The following NBEA variants were observed in gnomAD, a reference collection of about 807,000 sequenced individuals.
The protein encoded by NBEA is neurobeachin.
Under a neutral mutation model 343.4 loss-of-function variants are expected in NBEA, and 44 were observed. The observed-to-expected ratio is 0.13, with a 90% CI of 0.10 to 0.16. NBEA has a LOEUF of 0.16. NBEA is among the 10% of genes least tolerant of loss of function. The pLI is 1.00. For synonymous variants in NBEA, 1,175 were observed against 1,238.7 expected (o/e 0.95, Z 1.08); for missense variants, 2,555 against 3,631.3 (o/e 0.70, Z 7.62).
At chr13:35,397,974 A>T (rs1031054677) in intron 38 of NBEA, among the ~76,000 whole-genome samples, 3 of 152,140 alleles carry the variant, frequency 2.0e-5, no homozygotes, top group African/African-American at 7.2e-5. Context: ...ATTACTCAGC[A>T]GTATGTGATG....
At chr13:35,424,760 C>A (rs370016130) in intron 38 of NBEA, among the ~76,000 whole-genome samples, 1 of 152,146 alleles carries the variant, frequency 6.6e-6, no homozygotes, top group East Asian at 1.9e-4. Context: ...TAGAATTCGG[C>A]TGTGAATCCA....
At position 35,466,481 on chromosome 13, in the gene NBEA, C is replaced by G. The variant is rs567802841; in HGVS notation, c.6449-5919C>G. Reference sequence around the variant, plus strand: ...TTTATTTTATTCAAGCAAAAACATCCTGTAACTATTTCCATGCAAAAAAAG... The same window carrying G: ...TTTATTTTATTCAAGCAAAAACATCGTGTAACTATTTCCATGCAAAAAAAG... On this transcript the variant is annotated intron_variant, in intron 40 of 58. Transcript: ENST00000379939. Among the ~76,000 whole-genome samples the G allele has an allele frequency of 3.9e-4, 60 of 152,216 alleles. No individual in the cohort carries two copies. The South Asian group carries it at 5.0e-3, about 13-fold the overall frequency.
At chr13:35,449,961 C>T (rs2046224053) in intron 39 of NBEA, among the ~76,000 whole-genome samples, 1 of 152,100 alleles carries the variant, frequency 6.6e-6, no homozygotes, top group Admixed American at 6.5e-5. Flanking sequence ...CAGACTATAC[C>T]TCTTAGCCAG....
rs188042340 is a variant in NBEA at position 35,546,384 on chromosome 13, G to A, written c.6586-4093G>A. ...GAAGGCTGAGGTGGGAGAATCGCTC[G>A]AACCCAGGAGGTGGAGGTTGCATGA... On this transcript the variant is annotated intron_variant, in intron 41 of 58. Transcript: ENST00000379939. 5.5e-3 allele frequency among the ~76,000 whole-genome samples: 840 copies of A among 151,454 alleles called. 6 individuals carry two copies. Among genetic ancestry groups the A allele is most frequent in the Non-Finnish European group, 6.2e-3 (422 of 67,954 alleles).
intron 38 of NBEA, among the ~76,000 whole-genome samples, chr13:35,364,701 A>G (rs1469296125): frequency 6.6e-6 from 1 of 151,858 alleles, no homozygotes; most frequent in African/African-American, 2.4e-5. Flanking sequence ...GATTTACCCA[A>G]GATAAATCCA....
chr13:35,547,316 T>C (rs982876389), intron 41 of NBEA, among the ~76,000 whole-genome samples: 3 of 152,236 alleles, frequency 2.0e-5, no homozygotes, highest in Admixed American at 1.3e-4. Context: ...TCATTTTCTT[T>C]TAATTTTGTT....
chr13:35,012,771 T>A (rs960416283), intron 1 of NBEA, among the ~76,000 whole-genome samples: 3 of 152,244 alleles, frequency 2.0e-5, no homozygotes, highest in Non-Finnish European at 2.9e-5. Flanking sequence ...TGGCTGTATA[T>A]CATCTTTAAT....
chr13:35,258,931 A>G (rs760846539), intron 34 of NBEA, among the ~76,000 whole-genome samples: 4 of 152,152 alleles, frequency 2.6e-5, no homozygotes, highest in Non-Finnish European at 4.4e-5. Flanking sequence ...ATAGGGTAAT[A>G]TAAGTGTTCT....
chr13:34,977,952 A>G (rs960108063), intron 1 of NBEA, among the ~76,000 whole-genome samples: 1 of 152,104 alleles, frequency 6.6e-6, no homozygotes, highest in Non-Finnish European at 1.5e-5. Flanking sequence ...AATAGCTCCC[A>G]TTATGCCTGA....
At chr13:35,612,575 C>CA (rs1037174508) in intron 48 of NBEA, among the ~76,000 whole-genome samples, 2 of 152,032 alleles carry the variant, frequency 1.3e-5, no homozygotes, top group Non-Finnish European at 2.9e-5. Context: ...TCTTCATAGT[C>CA]AAAGAAGTTT....
chr13:35,255,167 A>G (rs1315535837), intron 34 of NBEA, among the ~76,000 whole-genome samples: 1 of 152,142 alleles, frequency 6.6e-6, no homozygotes, highest in Non-Finnish European at 1.5e-5. Flanking sequence ...AACATTACTT[A>G]TTTTTTTCCC....
intron 18 of NBEA, among the ~76,000 whole-genome samples, chr13:35,149,719 C>T (rs1169456885): frequency 1.3e-5 from 2 of 152,154 alleles, no homozygotes; most frequent in South Asian, 2.1e-4. Context: ...AATTTTTGAG[C>T]ATCTGCTTAT....
At chr13:35,146,610 G>A (rs533785827) in intron 18 of NBEA, among the ~76,000 whole-genome samples, 83 of 152,136 alleles carry the variant, frequency 5.5e-4, no homozygotes, top group Middle Eastern at 6.8e-3. Context: ...CCTTGGCTGG[G>A]ACAGGTATTG....
chr13:35,110,031 CTCTTTTTTTTTTTTTTTTTTAAAT>C (rs1219000922), intron 12 of NBEA, among the ~76,000 whole-genome samples: 14 of 118,988 alleles, frequency 1.2e-4, no homozygotes, highest in Non-Finnish European at 1.9e-4. Context: ...ATTTTGACAA[CTCTTTTTTTTTTTTTTTTTTAAAT>C]GTTTTTTTTT....
chr13:35,647,515 C>A (rs1297117396), intron 51 of NBEA, among the ~76,000 whole-genome samples: 1 of 152,098 alleles, frequency 6.6e-6, no homozygotes, highest in African/African-American at 2.4e-5. Context: ...ACAAATAAGT[C>A]CTCTAAACTT....
intron 1 of NBEA, among the ~76,000 whole-genome samples, chr13:34,947,968 C>T (rs867261227): frequency 3.9e-5 from 6 of 151,986 alleles, no homozygotes; most frequent in Admixed American, 6.6e-5. Context: ...TTAGTAAGTT[C>T]GAATCTGGTA....
intron 44 of NBEA, among the ~76,000 whole-genome samples, chr13:35,557,276 A>G (rs2079618244): frequency 6.6e-6 from 1 of 152,030 alleles, no homozygotes; most frequent in Non-Finnish European, 1.5e-5. Flanking sequence ...TCAGTTTCCC[A>G]CAGTGTGGTA....
At chr13:35,669,819 T>C (rs1394064700) in intron 58 of NBEA, among the ~76,000 whole-genome samples, 1 of 152,006 alleles carries the variant, frequency 6.6e-6, no homozygotes, top group Non-Finnish European at 1.5e-5. Context: ...TCATTGCATA[T>C]GAGGGCACCA....
intron 55 of NBEA, among the ~76,000 whole-genome samples, chr13:35,655,990 TCAG>T (rs1351108940): frequency 6.6e-6 from 1 of 152,134 alleles, no homozygotes; most frequent in Non-Finnish European, 1.5e-5. Context: ...GACCCTCTGC[TCAG>T]CAGCCCAGTC....
Sources: allele counts gnomAD v4.1 joint callset (sites outside exome capture counted in the v4.1 genomes callset), GRCh38; gene constraint gnomAD v4.1.1; transcripts MANE v1.5; gene names NCBI Gene and HGNC (gene_info 2026-07-23, HGNC 2026-07-21).